The following TXLNB variants were observed in gnomAD, a reference collection of about 807,000 sequenced individuals.
TXLNB encodes the protein taxilin beta, also known as beta-taxilin.
In TXLNB, 37 loss-of-function variants were observed where a neutral mutation model predicts 57.4. The observed-to-expected ratio is 0.64, with a 90% confidence interval of 0.50 to 0.85. The LOEUF (loss-of-function observed/expected upper bound fraction) is 0.85. TXLNB is among the 40% of genes least tolerant of loss of function. TXLNB has a pLI of 0.00. For missense variants in TXLNB, 848 were observed against 825.6 expected (o/e 1.03, Z -0.33); for synonymous variants, 302 against 309.6 (o/e 0.98, Z 0.26).
chr6:139,204,113 C>T, the TXLNB span, among the ~76,000 whole-genome samples: 5 of 151,804 alleles, frequency 3.3e-5, no homozygotes, highest in African/African-American at 9.7e-5. Context: ...TGCAGTGGCA[C>T]GATCTCAGCT....
chr6:139,317,998 C>T, the TXLNB span, among the ~76,000 whole-genome samples: 21 of 151,744 alleles, frequency 1.4e-4, no homozygotes, highest in South Asian at 8.3e-4. Context: ...GGGCCGGGCA[C>T]GGTGGCTCAC....
chr6:139,201,006 T>G, the TXLNB span, among the ~76,000 whole-genome samples: 2 of 152,176 alleles, frequency 1.3e-5, no homozygotes, highest in African/African-American at 4.8e-5. Context: ...CTATTCTTCC[T>G]GGCAGCTTTT....
intron 3 of TXLNB, among the ~76,000 whole-genome samples, chr6:139,274,187 A>G (rs934285993): frequency 6.6e-6 from 1 of 152,234 alleles, no homozygotes; most frequent in Admixed American, 6.5e-5. Context: ...TTACTTATTA[A>G]TGAGCTTATC....
At chr6:139,204,068 C>T in the TXLNB span, among the ~76,000 whole-genome samples, 17 of 145,492 alleles carry the variant, frequency 1.2e-4, no homozygotes, top group African/African-American at 2.8e-4. Flanking sequence ...TTTTTTTTTT[C>T]GAGAAGGAGT....
intron 1 of TXLNB, among the ~76,000 whole-genome samples, chr6:139,289,335 T>G (rs1583032890): frequency 1.1e-5 from 1 of 88,330 alleles, no homozygotes; most frequent in South Asian, 4.2e-4. Flanking sequence ...ACGTACCCCC[T>G]GCTTGCTCAA....
chr6:139,206,720 C>T, the TXLNB span, among the ~76,000 whole-genome samples: 13 of 151,706 alleles, frequency 8.6e-5, no homozygotes, highest in African/African-American at 2.4e-4. Flanking sequence ...TTAAAAAAAC[C>T]TACCAACCAA....
chr6:139,193,805 C>A, the TXLNB span, among the ~76,000 whole-genome samples: 2 of 145,932 alleles, frequency 1.4e-5, no homozygotes, highest in Admixed American at 6.9e-5. Flanking sequence ...AGGTGCACAC[C>A]ACCATGCCTG....
the TXLNB span, among the ~76,000 whole-genome samples, chr6:139,224,152 T>C: frequency 6.6e-6 from 1 of 150,532 alleles, no homozygotes; most frequent in Non-Finnish European, 1.5e-5. Context: ...TGTAGGGACA[T>C]GGATGAAATT....
At chr6:139,304,370 G>A in the TXLNB span, among the ~76,000 whole-genome samples, 4 of 152,074 alleles carry the variant, frequency 2.6e-5, no homozygotes, top group Non-Finnish European at 4.4e-5. Context: ...TCCAAAATTC[G>A]GTTATATCAG....
downstream of TXLNB, among the ~76,000 whole-genome samples, chr6:139,237,119 T>A (rs1775844282): frequency 6.6e-6 from 1 of 152,170 alleles, no homozygotes; most frequent in Non-Finnish European, 1.5e-5. Context: ...AGTCTTACGG[T>A]TTTATCTTAT....
At chr6:139,197,000 C>T in the TXLNB span, among the ~76,000 whole-genome samples, 1 of 152,214 alleles carries the variant, frequency 6.6e-6, no homozygotes, top group South Asian at 2.1e-4. Flanking sequence ...AATCTTTGCC[C>T]TATAACCTAA....
At chr6:139,291,287 C>T (rs74966494) in intron 1 of TXLNB, among the ~76,000 whole-genome samples, 1 of 152,230 alleles carries the variant, frequency 6.6e-6, no homozygotes, top group Non-Finnish European at 1.5e-5. Flanking sequence ...GGCTTAAATC[C>T]ATACATGGGT....
chr6:139,314,911 A>G, the TXLNB span, among the ~76,000 whole-genome samples: 1 of 152,178 alleles, frequency 6.6e-6, no homozygotes, highest in African/African-American at 2.4e-5. Context: ...CTTTCCCGAA[A>G]AGACCCCCTT....
chr6:139,263,027 T>G lies in TXLNB; in HGVS notation c.688-254A>C, dbSNP rs1328850086. On this transcript the variant is annotated intron_variant, in intron 4 of 9. Transcript: ENST00000358430. ...ATGAATAGACTTGTTTTAAAGATGATGCGTCTCTTGCTGAGTGAATGAACT... is the reference window on the plus strand; with the variant it reads ...ATGAATAGACTTGTTTTAAAGATGAGGCGTCTCTTGCTGAGTGAATGAACT... Among the ~76,000 whole-genome samples the G allele has an allele frequency of 2.6e-5, 4 of 152,352 alleles. No individual in the cohort carries two copies. The East Asian group carries it at 7.7e-4, about 29-fold the overall frequency.
At chr6:139,164,371 G>A in the TXLNB span, among the ~76,000 whole-genome samples, 6 of 152,040 alleles carry the variant, frequency 3.9e-5, no homozygotes, top group Non-Finnish European at 5.9e-5. Flanking sequence ...ATGAACATTG[G>A]GGGTATCATG....
At chr6:139,314,809 G>A in the TXLNB span, among the ~76,000 whole-genome samples, 1 of 152,198 alleles carries the variant, frequency 6.6e-6, no homozygotes, top group East Asian at 1.9e-4. Flanking sequence ...TAATCCTCAA[G>A]TTGTCCTTGT....
chr6:139,193,981 A>G, the TXLNB span, among the ~76,000 whole-genome samples: 3 of 150,256 alleles, frequency 2.0e-5, no homozygotes, highest in Non-Finnish European at 4.5e-5. Context: ...AGCTGGGACT[A>G]CAGGCGCCCG....
At chr6:139,252,344 TTTG>T (rs1488446297) in intron 7 of TXLNB, among the ~76,000 whole-genome samples, 7 of 152,190 alleles carry the variant, frequency 4.6e-5, no homozygotes, top group Admixed American at 3.3e-4. Context: ...TGTGATAGAG[TTTG>T]TTTTCAAAGT....
At chr6:139,250,851 A>G (rs930273059) in intron 7 of TXLNB, among the ~76,000 whole-genome samples, 5 of 152,210 alleles carry the variant, frequency 3.3e-5, no homozygotes, top group African/African-American at 1.2e-4. Context: ...ACATGAGCTA[A>G]CAGGCATTAA....
Sources: gnomAD v4.1 joint callset for allele counts (sites outside exome capture counted in the v4.1 genomes callset) on GRCh38, gnomAD v4.1.1 for gene constraint, MANE v1.5 for transcripts, NCBI Gene and HGNC (gene_info 2026-07-23, HGNC 2026-07-21) for gene names.